Variants in EPB41 observed in about 807,000 individuals in gnomAD.
EPB41 encodes protein 4.1.
A neutral mutation model predicts 108.0 loss-of-function variants in EPB41; 65 were observed. The observed-to-expected ratio is 0.60, with a 90% CI of 0.49 to 0.74. The LOEUF (loss-of-function observed/expected upper bound fraction) is 0.74, where lower values mean the gene tolerates loss of function less well. Ranked by LOEUF, EPB41 falls within the 30% of genes least tolerant of loss-of-function variation. The pLI is 0.00. For missense variants in EPB41, 875 were observed against 1,037.0 expected (o/e 0.84, Z 2.15); for synonymous variants, 336 against 358.9 (o/e 0.94, Z 0.72).
At chr1:28,943,678 A>G (rs1256294861) in intron 1 of EPB41, among the ~76,000 whole-genome samples, 1 of 152,052 alleles carries the variant, frequency 6.6e-6, no homozygotes, top group Non-Finnish European at 1.5e-5. Context: ...CAAACACACT[A>G]CAACGAGAAG....
intron 5 of EPB41, 136 bp downstream of exon 5, chr1:29,012,043 TCTC>T (rs2096511046): frequency 2.2e-6 from 2 of 894,334 alleles, no homozygotes; most frequent in Non-Finnish European, 3.5e-6. Flanking sequence ...GATAAAGCCT[TCTC>T]CTGGAAGGAG....
Position 28,993,310 on chromosome 1 carries a change from G to A in EPB41, c.469-20G>A, listed in dbSNP as rs1322156199. ...GTGAAATGTGTTTATTACTGACTTG[G>A]CGATGTCATGGATATGTAGCCTGCT... On this transcript the variant is annotated intron_variant, in intron 2 of 20. Coordinates refer to ENST00000343067, the MANE Select transcript of EPB41 (RefSeq NM_001376013.1). The A allele has an allele frequency of 5.6e-6, 9 of 1,598,698 alleles. No homozygotes were observed. The highest frequency in any genetic ancestry group is 7.7e-6 in the Non-Finnish European group (9 of 1,167,994).
chr1:28,966,233 C>T (rs1414931695), intron 1 of EPB41, among the ~76,000 whole-genome samples: 3 of 151,830 alleles, frequency 2.0e-5, no homozygotes, highest in African/African-American at 4.8e-5. Flanking sequence ...TTACAGTTAG[C>T]ATATCTACAT....
intron 1 of EPB41, among the ~76,000 whole-genome samples, chr1:28,978,555 G>A (rs2095661802): frequency 6.6e-6 from 1 of 151,526 alleles, no homozygotes; most frequent in Non-Finnish European, 1.5e-5. Context: ...GGAGATGTCA[G>A]TTTGACTGGA....
intron 11 of EPB41, among the ~76,000 whole-genome samples, chr1:29,040,917 CAT>C (rs1191738583): frequency 1.3e-5 from 2 of 152,010 alleles, no homozygotes; most frequent in Non-Finnish European, 2.9e-5. Context: ...GGATGGATCA[CAT>C]GAGGCCAGAA....
intron 1 of EPB41, among the ~76,000 whole-genome samples, chr1:28,927,469 A>G (rs1377340832): frequency 3.3e-5 from 5 of 152,220 alleles, no homozygotes; most frequent in Non-Finnish European, 7.3e-5. Context: ...AAGCCAAAAC[A>G]TAAGACCGCA....
chr1:29,058,845 T>G lies in EPB41; in HGVS notation c.1937T>G (p.Met646Arg), dbSNP rs768914456. The change falls in exon 14 of 21, where the codon ATG becomes AGG. Residue 646 changes from methionine (M) to arginine (R), a missense_variant. Transcript: ENST00000343067. ...GAAAAAACTGAAGATCTGATAAGAATGAGGAAGGTTAGCCATTTTTCACTT... is the reference window on the plus strand; with the variant it reads ...GAAAAAACTGAAGATCTGATAAGAAGGAGGAAGGTTAGCCATTTTTCACTT... ...LAEKTEDLIR[M>R]RKKKRERLDG... 1 of 1,551,228 alleles carries G rather than the reference T, an allele frequency of 6.4e-7. No individual in the cohort carries two copies. Among genetic ancestry groups the G allele is most frequent in the South Asian group, 1.2e-5 (1 of 83,892 alleles).
chr1:28,975,298 G>A (rs1448219864), intron 1 of EPB41, among the ~76,000 whole-genome samples: 1 of 152,080 alleles, frequency 6.6e-6, no homozygotes, highest in African/African-American at 2.4e-5. Context: ...ATGCCTTTAG[G>A]ATCTGATATG....
At chr1:29,040,464 A>G (rs917008703) in intron 11 of EPB41, among the ~76,000 whole-genome samples, 3 of 152,096 alleles carry the variant, frequency 2.0e-5, no homozygotes, top group African/African-American at 7.2e-5. Flanking sequence ...TATTTTTAGT[A>G]GAGACAGGGT....
intron 1 of EPB41, among the ~76,000 whole-genome samples, chr1:28,957,052 A>G (rs4654383): frequency 0.44 from 67,131 of 152,188 alleles, 17,269 homozygotes; most frequent in East Asian, 0.85. Flanking sequence ...GTGAAGAGTG[A>G]ATAGGATTGT....
chr1:29,094,301 G>A lies in EPB41; in HGVS notation c.2185-3506G>A, dbSNP rs188753086. Among the ~76,000 whole-genome samples the A allele has an allele frequency of 3.2e-3, 490 of 151,240 alleles. 6 individuals carry two copies. Among genetic ancestry groups the A allele is most frequent in the African/African-American group, 0.011 (460 of 41,162 alleles). Reference sequence around the variant, plus strand: ...TTTCTTTTTTTTCTTTTTTGAGGCCGAGTCTCATTCTATCACCCAGGCTGG... The same window carrying A: ...TTTCTTTTTTTTCTTTTTTGAGGCCAAGTCTCATTCTATCACCCAGGCTGG... On this transcript the variant is annotated intron_variant, in intron 16 of 20. Coordinates refer to ENST00000343067, the MANE Select transcript of EPB41 (RefSeq NM_001376013.1).
chr1:29,109,478 A>G (rs966601349), intron 18 of EPB41, 41 bp downstream of exon 18: 1 of 1,560,324 alleles, frequency 6.4e-7, no homozygotes, highest in Admixed American at 1.7e-5. Context: ...ACCCAGGGGC[A>G]GGCTAAGCTT....
intron 1 of EPB41, among the ~76,000 whole-genome samples, chr1:28,981,697 G>A (rs1037013243): frequency 1.3e-5 from 2 of 151,988 alleles, no homozygotes; most frequent in Non-Finnish European, 2.9e-5. Flanking sequence ...TAGAGAGTTC[G>A]AATGTGTTTT....
At chr1:28,936,713 GT>G (rs2094045231) in intron 1 of EPB41, among the ~76,000 whole-genome samples, 1 of 152,190 alleles carries the variant, frequency 6.6e-6, no homozygotes, top group African/African-American at 2.4e-5. Context: ...GTGGTAGCAT[GT>G]ATCAGTACTT....
intron 1 of EPB41, among the ~76,000 whole-genome samples, chr1:28,936,750 T>C (rs760158087): frequency 3.3e-5 from 5 of 152,266 alleles, no homozygotes; most frequent in Admixed American, 6.5e-5. Flanking sequence ...CTGAATAATA[T>C]TCCACTGTAG....
At position 29,065,138 on chromosome 1, in the gene EPB41, C is replaced by A; in HGVS notation, c.2164C>A (p.Gln722Lys). ...SPFRTLNING[Q>K]IPTGEGPPLV... ...CTTCCGAACTCTTAACATCAATGGGCAAATCCCCACAGGAGAAGGAGTGAG... is the reference window on the plus strand; with the variant it reads ...CTTCCGAACTCTTAACATCAATGGGAAAATCCCCACAGGAGAAGGAGTGAG... Residue 722 changes from glutamine (Q) to lysine (K), a missense_variant, in exon 16 of 21, where the codon CAA becomes AAA. By Grantham distance (53) the Gln-to-Lys change is moderately conservative. Coordinates refer to ENST00000343067, the MANE Select transcript of EPB41 (RefSeq NM_001376013.1). 1 of 1,606,158 alleles carries A rather than the reference C, an allele frequency of 6.2e-7. No homozygotes were observed. The highest frequency in any genetic ancestry group is 8.5e-7 in the Non-Finnish European group (1 of 1,174,692).
Position 29,078,997 on chromosome 1 carries a change from A to AT in EPB41, c.2184+13853dup, listed in dbSNP as rs541446416. ...TGAACATGGTAAAGAAAGTAAAATG[A>AT]TTTTTTTTTTTTTTGGACACAAAAT... On this transcript the variant is annotated intron_variant, in intron 16 of 20. Transcript: ENST00000343067. 5.5e-3 allele frequency among the ~76,000 whole-genome samples: 791 copies of AT among 144,014 alleles called. 2 individuals carry two copies. Among genetic ancestry groups the AT allele is most frequent in the African/African-American group, 0.016 (645 of 39,496 alleles). 94.5% of individuals were successfully genotyped at this position (144,014 alleles called of 152,430 possible).
chr1:29,013,377 A>C (rs2096533659), intron 5 of EPB41, among the ~76,000 whole-genome samples: 2 of 152,168 alleles, frequency 1.3e-5, no homozygotes, highest in Non-Finnish European at 2.9e-5. Flanking sequence ...CATGGGGGAA[A>C]AAAACAAAAC....
chr1:29,100,063 T>C (rs1309243207), intron 17 of EPB41, among the ~76,000 whole-genome samples: 2 of 152,158 alleles, frequency 1.3e-5, no homozygotes, highest in Non-Finnish European at 2.9e-5. Context: ...GAGATAGCCA[T>C]GTGAAGTTCT....
Sources: gnomAD v4.1 joint callset for allele counts (sites outside exome capture counted in the v4.1 genomes callset) on GRCh38, gnomAD v4.1.1 for gene constraint, MANE v1.5 for transcripts, NCBI Gene and HGNC (gene_info 2026-07-23, HGNC 2026-07-21) for gene names.